Variants in BATF observed in about 807,000 individuals in gnomAD.
The protein encoded by BATF is basic leucine zipper ATF-like transcription factor.
A neutral mutation model predicts 13.7 loss-of-function variants in BATF; 5 were observed. The observed-to-expected ratio is 0.36, with a 90% CI of 0.19 to 0.77. The LOEUF (loss-of-function observed/expected upper bound fraction) is 0.77, where lower values mean the gene tolerates loss of function less well. BATF is among the 30% of genes least tolerant of loss of function. The probability of loss-of-function intolerance (pLI) is 0.51; values close to 1 mark genes in which losing one functional copy is unlikely to be tolerated. For synonymous variants in BATF, 72 were observed against 67.5 expected, an observed-to-expected ratio of 1.07 and a Z score of -0.33; for missense variants, 124 against 163.0, an observed-to-expected ratio of 0.76 and a Z score of 1.30.
At position 75,522,665 on chromosome 14, in the gene BATF, G is replaced by A. The variant is rs746440576; in HGVS notation, c.-18G>A. On this transcript the variant is annotated 5_prime_UTR_variant, in exon 1 of 3. Coordinates refer to ENST00000286639, the MANE Select transcript of BATF (RefSeq NM_006399.5). ...GAGGTGCCTGGGGCTGAGTGTGAGA[G>A]CCCGGAAGATTTCAGCCATGCCTCA... 2 of 1,614,098 alleles carry A rather than the reference G, an allele frequency of 1.2e-6. No individual in the cohort carries two copies.
chr14:75,537,852 GA>G (rs1316821134), intron 2 of BATF, among the ~76,000 whole-genome samples: 1 of 151,794 alleles, frequency 6.6e-6, no homozygotes, highest in African/African-American at 2.4e-5. Context: ...ACTCTTTAAG[GA>G]TATCAGTAGT....
chr14:75,525,179 C>A lies in BATF; in HGVS notation c.159C>A (p.Thr53=), dbSNP rs1887632228. ...SRQRQTQKAD[T]LHLESEDLEK... ...AGAGGCAGACACAGAAGGCCGACAC[C>A]CTGCACCTGGTAAGTGTTCAGATCA... The change falls in exon 2 of 3, where the codon ACC becomes ACA. Residue 53 remains threonine, a synonymous_variant. Transcript: ENST00000286639. 1.2e-6 allele frequency: 2 copies of A among 1,613,626 alleles called. No homozygotes were observed. Among genetic ancestry groups the A allele is most frequent in the South Asian group, 2.2e-5 (2 of 91,006 alleles).
chr14:75,537,698 T>C (rs2140039935), intron 2 of BATF, among the ~76,000 whole-genome samples: 1 of 152,310 alleles, frequency 6.6e-6, no homozygotes, highest in East Asian at 1.9e-4. Context: ...AAGAATATAA[T>C]AGTAGTGTGC....
chr14:75,546,321 G>A (rs1887985242), intron 2 of BATF, 141 bp from the exon 3 acceptor site: 3 of 793,938 alleles, frequency 3.8e-6, no homozygotes, highest in Non-Finnish European at 6.1e-6. Flanking sequence ...ACATTCACAC[G>A]TGCAGGAAAA....
intron 2 of BATF, among the ~76,000 whole-genome samples, chr14:75,533,705 A>G (rs574033705): frequency 6.6e-6 from 1 of 152,206 alleles, no homozygotes; most frequent in African/African-American, 2.4e-5. Context: ...AGATTGTGGG[A>G]TATCTGTAGA....
chr14:75,545,868 C>A (rs1887976986), intron 2 of BATF, among the ~76,000 whole-genome samples: 1 of 151,516 alleles, frequency 6.6e-6, no homozygotes, highest in South Asian at 2.1e-4. Flanking sequence ...TGCTTTTTTG[C>A]CGGGAGGAGA....
intron 2 of BATF, among the ~76,000 whole-genome samples, chr14:75,546,090 C>G (rs1887981119): frequency 6.6e-6 from 1 of 152,068 alleles, no homozygotes; most frequent in Non-Finnish European, 1.5e-5. Flanking sequence ...TCAAACTCCC[C>G]ACCTCAGGCA....
intron 2 of BATF, among the ~76,000 whole-genome samples, chr14:75,527,415 G>T (rs1270634009): frequency 6.6e-6 from 1 of 152,130 alleles, no homozygotes; most frequent in Non-Finnish European, 1.5e-5. Flanking sequence ...TGTATGCCTG[G>T]TCACTTCTAG....
At chr14:75,530,673 T>G in intron 2 of BATF, among the ~76,000 whole-genome samples, 1 of 152,310 alleles carries the variant, frequency 6.6e-6, no homozygotes, top group Middle Eastern at 3.4e-3. Flanking sequence ...TTTTATTTAT[T>G]TATTTATTTT....
Position 75,522,581 on chromosome 14 carries a change from G to T in BATF, c.-102G>T. On this transcript the variant is annotated 5_prime_UTR_variant, in exon 1 of 3. Coordinates refer to ENST00000286639, the MANE Select transcript of BATF (RefSeq NM_006399.5). ...GCAGAGGAGGCACCTGTAGGGGGTG[G>T]TGGGCTGGTGGCCCAGGAGAAGTCA... 7.4e-7 allele frequency: 1 copy of T among 1,360,462 alleles called. No homozygotes were observed. The highest frequency in any genetic ancestry group is 1.0e-6 in the Non-Finnish European group (1 of 956,936). The allele number at this position is 1,360,462 out of a possible 1,614,324, so 84.3% of individuals were successfully genotyped here.
At position 75,544,562 on chromosome 14, in the gene BATF, C is replaced by CAGGAAAAAAAAAAAAA. The variant is rs754402071; in HGVS notation, c.169-1899_169-1898insGGAAAAAAAAAAAAAA. ...CCTGGGTGACAGAGTGAGACTGTCT[C>CAGGAAAAAAAAAAAAA]AAAAAAAAAAAAAAAAAAAAAAAAA... On this transcript the variant is annotated intron_variant, in intron 2 of 2. Transcript: ENST00000286639. Among the ~76,000 whole-genome samples, 2 of 33,020 alleles carry CAGGAAAAAAAAAAAAA rather than the reference C, an allele frequency of 6.1e-5. 1 individual carries two copies. The allele number at this position is 33,020 out of a possible 152,430, so 21.7% of individuals were successfully genotyped here. A position where few individuals can be genotyped will look rare whatever the true frequency, so the allele number is the denominator to read the frequency against.
At chr14:75,540,794 T>C (rs941629369) in intron 2 of BATF, among the ~76,000 whole-genome samples, 2 of 152,174 alleles carry the variant, frequency 1.3e-5, no homozygotes, top group African/African-American at 4.8e-5. Flanking sequence ...TCAATAAATG[T>C]TAGTTATTGG....
chr14:75,545,873 A>G (rs6574241), intron 2 of BATF, among the ~76,000 whole-genome samples: 6,749 of 151,360 alleles, frequency 0.045, 475 homozygotes, highest in African/African-American at 0.15. Context: ...TTTTGCCGGG[A>G]GGAGAGATGT....
chr14:75,537,214 G>A (rs150156211), intron 2 of BATF, among the ~76,000 whole-genome samples: 159 of 152,250 alleles, frequency 1.0e-3, no homozygotes, highest in Middle Eastern at 3.4e-3. Flanking sequence ...CCACTCCCAC[G>A]CTGTTGGTTC....
At chr14:75,531,519 A>C (rs1887733450) in intron 2 of BATF, among the ~76,000 whole-genome samples, 2 of 152,156 alleles carry the variant, frequency 1.3e-5, no homozygotes, top group Admixed American at 1.3e-4. Flanking sequence ...CCAAGTTTGA[A>C]AGCTTGAGAT....
At chr14:75,533,934 C>T (rs970161186) in intron 2 of BATF, among the ~76,000 whole-genome samples, 2 of 152,130 alleles carry the variant, frequency 1.3e-5, no homozygotes, top group African/African-American at 4.8e-5. Context: ...CTGAACAGAG[C>T]TTTACTAGGC....
chr14:75,522,897 CT>C, intron 1 of BATF, 152 bp downstream of exon 1: 2 of 857,598 alleles, frequency 2.3e-6, no homozygotes, highest in Non-Finnish European at 3.7e-6. Context: ...GAATTTGCTA[CT>C]AAGCTGTGCA....
intron 2 of BATF, among the ~76,000 whole-genome samples, chr14:75,531,830 C>T (rs1451983391): frequency 6.6e-6 from 1 of 152,160 alleles, no homozygotes; most frequent in Non-Finnish European, 1.5e-5. Flanking sequence ...TCCTATTTCA[C>T]TCCTGGAATT....
At chr14:75,542,405 G>A (rs916638750) in intron 2 of BATF, among the ~76,000 whole-genome samples, 11 of 152,166 alleles carry the variant, frequency 7.2e-5, no homozygotes, top group Admixed American at 2.6e-4. Flanking sequence ...ACATGCATAT[G>A]GGAGAAGCTG....
Sources: gnomAD v4.1 joint callset for allele counts (sites outside exome capture counted in the v4.1 genomes callset) on GRCh38, gnomAD v4.1.1 for gene constraint, MANE v1.5 for transcripts, NCBI Gene and HGNC (gene_info 2026-07-23, HGNC 2026-07-21) for gene names.